The following DNAH9 variants were observed in gnomAD, a reference collection of about 807,000 sequenced individuals.
DNAH9 encodes the protein DNAH9 variant protein.
In DNAH9, 345 loss-of-function variants were observed where a neutral mutation model predicts 471.6. The ratio of observed to expected loss-of-function variants is 0.73; its 90% CI spans 0.67 to 0.80. DNAH9 has a LOEUF of 0.80. DNAH9 is among the 30% of genes least tolerant of loss of function. DNAH9 has a pLI of 0.00. For synonymous variants in DNAH9, 2,093 were observed against 2,123.6 expected, an observed-to-expected ratio of 0.99 and a Z score of 0.40; for missense variants, 5,407 against 5,609.2, an observed-to-expected ratio of 0.96 and a Z score of 1.15.
At chr17:11,725,878 CA>C (rs1396647299) in intron 27 of DNAH9, among the ~76,000 whole-genome samples, 5 of 151,928 alleles carry the variant, frequency 3.3e-5, no homozygotes, top group Admixed American at 2.0e-4. Flanking sequence ...AAAAAACAAA[CA>C]AAAAAAATTA....
At position 11,793,678 on chromosome 17, in the gene DNAH9, T is replaced by C. The variant is rs746041816; in HGVS notation, c.8223+14T>C. 6.4e-7 allele frequency: 1 copy of C among 1,562,898 alleles called. No individual in the cohort carries two copies. The highest frequency in any genetic ancestry group is 8.7e-7 in the Non-Finnish European group (1 of 1,156,028). ...AAAACTTTTGATGTGAGTATTGCCC[T>C]ATGGATTTTCTTTGTATTTGAAAAA... On this transcript the variant is annotated intron_variant, in intron 42 of 68. Transcript: ENST00000262442.
chr17:11,649,297 C>A (rs2073454343), intron 12 of DNAH9, among the ~76,000 whole-genome samples: 1 of 152,096 alleles, frequency 6.6e-6, no homozygotes, highest in South Asian at 2.1e-4. Context: ...GCATTTACAT[C>A]ATTTTACAGT....
chr17:11,707,351 T>G (rs550447142), intron 26 of DNAH9, among the ~76,000 whole-genome samples: 1 of 152,340 alleles, frequency 6.6e-6, no homozygotes, highest in Admixed American at 6.5e-5. Context: ...ATCACTTGTA[T>G]TTTAGTCAAA....
At position 11,636,657 on chromosome 17, in the gene DNAH9, C is replaced by T. The variant is rs1295813891; in HGVS notation, c.1659C>T (p.Leu553=). ...AFKLLDIAGN[L]LERPLVARDT... is the part of the protein sequence containing the mutation. The stretch of plus-strand genomic sequence containing the variant: ...AGCTGCTAGACATAGCAGGAAACCT[C>T]CTTGAAAGACCGCTGGTAGCGAGGG... Residue 553 remains leucine (L), a synonymous_variant, in exon 9 of 69, where the codon CTC becomes CTT. Transcript: ENST00000262442. The T allele has an allele frequency of 6.2e-7, 1 of 1,613,954 alleles. No individual in the cohort carries two copies. The highest frequency in any genetic ancestry group is 1.3e-5 in the African/African-American group (1 of 75,038).
chr17:11,793,819 A>T lies in DNAH9; in HGVS notation c.8223+155A>T, dbSNP rs1021244539. ...GTCATAATTTTGCCCAGGTAAAAAA[A>T]TGCTGGGGCAAGAATAGATGCAAAT... On this transcript the variant is annotated intron_variant, in intron 42 of 68. Coordinates refer to ENST00000262442, the MANE Select transcript of DNAH9 (RefSeq NM_001372.4). Among the ~76,000 whole-genome samples, 12 of 152,170 alleles carry T rather than the reference A, an allele frequency of 7.9e-5. No individual in the cohort carries two copies. In the South Asian group the frequency reaches 8.3e-4, roughly 11 times the overall value.
chr17:11,670,420 G>C (rs1311719803), intron 17 of DNAH9, among the ~76,000 whole-genome samples: 1 of 152,112 alleles, frequency 6.6e-6, no homozygotes, highest in Non-Finnish European at 1.5e-5. Context: ...ACCACAATTA[G>C]AATCTCGACC....
In DNAH9 at chr17:11,805,523, C is replaced by CTTTTTTTTTTTTT. The variant is rs773842478; in HGVS notation, c.8421-2179_8421-2167dup. 1.7e-4 allele frequency among the ~76,000 whole-genome samples: 9 copies of CTTTTTTTTTTTTT among 52,092 alleles called. 3 individuals carry two copies. The highest frequency in any genetic ancestry group is 2.1e-3 in the East Asian group (2 of 972). The allele number at this position is 52,092 out of a possible 152,430, so 34.2% of individuals were successfully genotyped here. ...TATTTGGCCAAACTTTACCCGAGTTCTTTTTTTTTTTTTTTTTTTTTTTTT... is the reference window on the plus strand; with the variant it reads ...TATTTGGCCAAACTTTACCCGAGTTCTTTTTTTTTTTTTTTTTTTTTTTTTTTTTTTTTTTTTT... On this transcript the variant is annotated intron_variant, in intron 43 of 68. Coordinates refer to ENST00000262442, the MANE Select transcript of DNAH9 (RefSeq NM_001372.4).
At chr17:11,611,594 T>G in intron 3 of DNAH9, 56 bp from the exon 4 acceptor site, 1 of 1,580,440 alleles carries the variant, frequency 6.3e-7, no homozygotes, top group Non-Finnish European at 8.7e-7. Context: ...GTCATCACAG[T>G]GTGACTTGCA....
Position 11,652,987 on chromosome 17 carries a change from C to G in DNAH9, c.2580C>G (p.Ile860Met), listed in dbSNP as rs142833801. 3.1e-6 allele frequency: 5 copies of G among 1,613,768 alleles called. No individual in the cohort carries two copies. The African/African-American group carries it at 6.7e-5, about 22-fold the overall frequency. ...TCATCAAGGAATCTGGCCTTAAGAT[C>G]CACGCCCTTGTTCAGGTAATAACCC... ...YNLIKESGLKIHALVQENLGL... is the reference protein window; with the variant it reads ...YNLIKESGLKMHALVQENLGL... Residue 860 changes from isoleucine (I) to methionine (M), a missense_variant, in exon 14 of 69, where the codon ATC becomes ATG. By Grantham distance (10) the Ile-to-Met change is conservative. This residue lies in a region of DNAH9 where 4,636 missense variants were observed against 4,900.3 expected (regional missense o/e 0.95). Coordinates refer to ENST00000262442, the MANE Select transcript of DNAH9 (RefSeq NM_001372.4).
chr17:11,741,735 T>C (rs1364345351), intron 29 of DNAH9, among the ~76,000 whole-genome samples: 1 of 152,206 alleles, frequency 6.6e-6, no homozygotes, highest in Non-Finnish European at 1.5e-5. Context: ...ATTTTGAGGA[T>C]GAAGAATAGG....
chr17:11,789,360 C>A (rs1379583774), intron 41 of DNAH9, among the ~76,000 whole-genome samples: 3 of 151,988 alleles, frequency 2.0e-5, no homozygotes, highest in African/African-American at 7.2e-5. Context: ...ATTATAAATT[C>A]AAATTCTTTA....
At chr17:11,949,771 G>A (rs1382750487) in intron 67 of DNAH9, among the ~76,000 whole-genome samples, 1 of 152,082 alleles carries the variant, frequency 6.6e-6, no homozygotes, top group African/African-American at 2.4e-5. Flanking sequence ...GAGCCACCAT[G>A]CCCAGCCAAT....
At chr17:11,705,343 G>A (rs1212719340) in intron 26 of DNAH9, 158 bp downstream of exon 26, 1 of 623,670 alleles carries the variant, frequency 1.6e-6, no homozygotes, top group South Asian at 2.1e-5. Flanking sequence ...AAACTGAAAG[G>A]ATGTAGGGCA....
intron 49 of DNAH9, among the ~76,000 whole-genome samples, chr17:11,850,081 T>C (rs1351166873): frequency 6.6e-6 from 1 of 152,062 alleles, no homozygotes; most frequent in East Asian, 1.9e-4. Context: ...ACTTATATAA[T>C]GTAGTAGAGC....
Position 11,654,216 on chromosome 17 carries a change from C to T in DNAH9, c.2595+1214C>T, listed in dbSNP as rs1220179072. ...TAAAAATACAAAAAAATTAGCCGGG[C>T]GTGATGGCGGGCGCCTGTAGTCCCA... On this transcript the variant is annotated intron_variant, in intron 14 of 68. Transcript: ENST00000262442. Among the ~76,000 whole-genome samples the T allele has an allele frequency of 2.8e-4, 28 of 100,782 alleles. 5 individuals carry two copies. Among genetic ancestry groups the T allele is most frequent in the African/African-American group, 8.1e-4 (23 of 28,468 alleles). 66.1% of individuals were successfully genotyped at this position (100,782 alleles called of 152,430 possible). A position where few individuals can be genotyped will look rare whatever the true frequency, so the allele number is the denominator to read the frequency against.
intron 19 of DNAH9, 68 bp from the exon 20 acceptor site, chr17:11,689,498 A>G (rs2074296265): frequency 4.5e-6 from 6 of 1,344,542 alleles, no homozygotes; most frequent in Non-Finnish European, 6.1e-6. Flanking sequence ...GCTGGTTGCT[A>G]CCTTAGAGAT....
At chr17:11,649,198 G>T (rs1485131291) in intron 12 of DNAH9, among the ~76,000 whole-genome samples, 1 of 151,624 alleles carries the variant, frequency 6.6e-6, no homozygotes, top group Non-Finnish European at 1.5e-5. Context: ...TCAGAAATTT[G>T]CCCCTCTGGG....
At chr17:11,764,449 G>A (rs1254346637) in intron 36 of DNAH9, among the ~76,000 whole-genome samples, 2 of 152,084 alleles carry the variant, frequency 1.3e-5, no homozygotes, top group Non-Finnish European at 2.9e-5. Context: ...GAACTTTCCT[G>A]TACAGAAGAT....
chr17:11,680,992 C>G, intron 19 of DNAH9, 103 bp downstream of exon 19: 1 of 1,104,500 alleles, frequency 9.1e-7, no homozygotes, highest in Non-Finnish European at 1.3e-6. Context: ...CAGCTGCAGA[C>G]CAGTTAATAA....
Sources: allele counts gnomAD v4.1 joint callset (sites outside exome capture counted in the v4.1 genomes callset), GRCh38; gene constraint gnomAD v4.1.1; regional missense constraint gnomAD v4.1.1; transcripts MANE v1.5; gene names NCBI Gene and HGNC (gene_info 2026-07-23, HGNC 2026-07-21).